LRP1B: variants seen among roughly 807,000 people sequenced by gnomAD.
LRP1B encodes low-density lipoprotein receptor-related protein 1B.
In LRP1B, 217 loss-of-function variants were observed where a neutral mutation model predicts 556.6. The observed-to-expected ratio is 0.39, with a 90% confidence interval of 0.35 to 0.44. LRP1B has a LOEUF of 0.44. LRP1B is among the 20% of genes least tolerant of loss of function. LRP1B has a pLI of 1.00. For synonymous variants in LRP1B, 2,047 were observed against 1,865.8 expected, an observed-to-expected ratio of 1.10 and a Z score of -2.50; for missense variants, 5,053 against 5,620.8, an observed-to-expected ratio of 0.90 and a Z score of 3.23.
intron 16 of LRP1B, among the ~76,000 whole-genome samples, chr2:140,993,684 C>T (rs1011147539): frequency 3.3e-5 from 5 of 151,896 alleles, no homozygotes; most frequent in African/African-American, 7.3e-5. Flanking sequence ...ATTCAAAAAT[C>T]CAAAGAATTT....
chr2:141,279,764 G>T (rs1345567499), intron 3 of LRP1B, among the ~76,000 whole-genome samples: 1 of 152,046 alleles, frequency 6.6e-6, no homozygotes, highest in Non-Finnish European at 1.5e-5. Context: ...AATCTGAGCA[G>T]CACTAATTTT....
chr2:141,999,708 C>G (rs1308293175), intron 1 of LRP1B, among the ~76,000 whole-genome samples: 1 of 151,642 alleles, frequency 6.6e-6, no homozygotes, highest in Admixed American at 6.6e-5. Context: ...TAAATTAAAG[C>G]AAGAAACTCC....
At chr2:140,691,029 A>T (rs1393992855) in intron 41 of LRP1B, among the ~76,000 whole-genome samples, 1 of 152,218 alleles carries the variant, frequency 6.6e-6, no homozygotes, top group Non-Finnish European at 1.5e-5. Flanking sequence ...TTAAAACTAT[A>T]TGCATTCTAA....
At chr2:140,261,589 C>T (rs990381447) in intron 86 of LRP1B, among the ~76,000 whole-genome samples, 21 of 151,734 alleles carry the variant, frequency 1.4e-4, no homozygotes, top group Admixed American at 3.3e-4. Flanking sequence ...TAATTATTAA[C>T]ACCGTTGAAT....
chr2:141,902,505 G>A (rs1009496006), intron 1 of LRP1B, among the ~76,000 whole-genome samples: 2 of 151,852 alleles, frequency 1.3e-5, no homozygotes, highest in Non-Finnish European at 2.9e-5. Context: ...TTTTAAACAC[G>A]AAATCTTCAA....
intron 2 of LRP1B, among the ~76,000 whole-genome samples, chr2:141,627,419 C>A (rs1558764145): frequency 1.3e-5 from 2 of 152,160 alleles, no homozygotes; most frequent in Non-Finnish European, 2.9e-5. Flanking sequence ...TGTCGCCAGC[C>A]CCCTGGCAGT....
chr2:141,768,873 A>ATGTG lies in LRP1B; in HGVS notation c.205+41402_205+41405dup, dbSNP rs57439402. ...TATCACTGTATTAAGAGATACAGAT[A>ATGTG]TGTGTGTGTGTGTGTGCATGTGTGG... is the stretch of plus-strand genomic sequence containing the variant. On this transcript the variant is annotated intron_variant, in intron 2 of 90. Transcript: ENST00000389484. Among the ~76,000 whole-genome samples the ATGTG allele has an allele frequency of 1.2e-3, 180 of 150,774 alleles. 1 individual carries two copies. Among genetic ancestry groups the ATGTG allele is most frequent in the African/African-American group, 3.1e-3 (127 of 41,102 alleles).
chr2:142,115,028 T>A (rs1707134425), intron 1 of LRP1B, among the ~76,000 whole-genome samples: 1 of 152,028 alleles, frequency 6.6e-6, no homozygotes, highest in South Asian at 2.1e-4. Context: ...CTTCTATGAA[T>A]CCATAAAAAT....
chr2:141,667,430 T>C (rs1421383638), intron 2 of LRP1B, among the ~76,000 whole-genome samples: 1 of 152,116 alleles, frequency 6.6e-6, no homozygotes, highest in Non-Finnish European at 1.5e-5. Flanking sequence ...TGGAAAACAA[T>C]ATCACTTGAC....
In LRP1B at chr2:141,934,565, G is replaced by T. The variant is rs1418990564; in HGVS notation, c.83-124164C>A. Among the ~76,000 whole-genome samples, 5 of 152,090 alleles carry T rather than the reference G, an allele frequency of 3.3e-5. 1 individual carries two copies. The highest frequency in any genetic ancestry group is 7.4e-5 in the Non-Finnish European group (5 of 68,014). On this transcript the variant is annotated intron_variant, in intron 1 of 90. Coordinates refer to ENST00000389484, the MANE Select transcript of LRP1B (RefSeq NM_018557.3). ...GATTACCCATTGATATGGTTTGGTT[G>T]TGTCCCCACCCAAATCTCATCTAGA...
In LRP1B at chr2:141,467,831, T is replaced by G. The variant is rs62166273; in HGVS notation, c.343+12565A>C. Reference sequence around the variant, plus strand: ...TTTGTTTGTTTGTTTGTTTGTTTGTTTGCGGACCGGGGGGGGGGGAATTCC... The same window carrying G: ...TTTGTTTGTTTGTTTGTTTGTTTGTGTGCGGACCGGGGGGGGGGGAATTCC... On this transcript the variant is annotated intron_variant, in intron 3 of 90. Transcript: ENST00000389484. 4.3e-4 allele frequency among the ~76,000 whole-genome samples: 3 copies of G among 6,994 alleles called. No homozygotes were observed. In the Non-Finnish European group the frequency reaches 7.5e-3, roughly 18 times the overall value. The allele number at this position is 6,994 out of a possible 152,430, so 4.6% of individuals were successfully genotyped here.
chr2:141,738,501 G>A (rs1415476313), intron 2 of LRP1B, among the ~76,000 whole-genome samples: 2 of 149,198 alleles, frequency 1.3e-5, no homozygotes. Flanking sequence ...CATGCGACAA[G>A]TAAGTAGGAT....
At chr2:141,944,373 A>G (rs1700897353) in intron 1 of LRP1B, among the ~76,000 whole-genome samples, 2 of 152,192 alleles carry the variant, frequency 1.3e-5, no homozygotes, top group South Asian at 2.1e-4. Flanking sequence ...GACCTTGACA[A>G]TACTACCTTC....
intron 35 of LRP1B, among the ~76,000 whole-genome samples, chr2:140,748,783 T>TG (rs1308222860): frequency 0.15 from 8,100 of 55,594 alleles, 1,337 homozygotes; most frequent in Non-Finnish European, 0.17. Flanking sequence ...AATATGTATA[T>TG]AATATATATT....
At chr2:141,208,811 G>A (rs1276245756) in intron 6 of LRP1B, among the ~76,000 whole-genome samples, 1 of 139,506 alleles carries the variant, frequency 7.2e-6, no homozygotes, top group Admixed American at 7.8e-5. Flanking sequence ...GGAGCTTACA[G>A]TGAGCTGAGA....
chr2:140,288,151 A>ATT (rs11441908), intron 84 of LRP1B, among the ~76,000 whole-genome samples: 3,169 of 146,096 alleles, frequency 0.022, 111 homozygotes, highest in African/African-American at 0.074. Context: ...AAATTTGGGG[A>ATT]TTTTTTTTTT....
chr2:141,363,559 AC>A (rs1246857804), intron 3 of LRP1B, among the ~76,000 whole-genome samples: 2 of 152,148 alleles, frequency 1.3e-5, no homozygotes, highest in Admixed American at 1.3e-4. Flanking sequence ...ATATTTGACA[AC>A]AAAAATATTT....
At chr2:142,010,420 G>A (rs1363108568) in intron 1 of LRP1B, among the ~76,000 whole-genome samples, 3 of 151,590 alleles carry the variant, frequency 2.0e-5, no homozygotes, top group Non-Finnish European at 2.9e-5. Context: ...CGGGCGTGGT[G>A]GCGGGTGCCT....
intron 6 of LRP1B, among the ~76,000 whole-genome samples, chr2:141,189,933 GAAGA>G (rs959969938): frequency 2.5e-4 from 2 of 7,984 alleles, no homozygotes; most frequent in East Asian, 5.6e-3. Flanking sequence ...AGTTCCTTTA[GAAGA>G]AAGAAAGAAA....
Sources: gnomAD v4.1 joint callset for allele counts (sites outside exome capture counted in the v4.1 genomes callset) on GRCh38, gnomAD v4.1.1 for gene constraint, MANE v1.5 for transcripts, NCBI Gene and HGNC (gene_info 2026-07-23, HGNC 2026-07-21) for gene names.